Variants in CNBD1 observed in about 807,000 individuals in gnomAD.
CNBD1 encodes the protein cyclic nucleotide-binding domain-containing protein 1.
Under a neutral mutation model 54.4 loss-of-function variants are expected in CNBD1, and 71 were observed. The observed-to-expected ratio is 1.30, with a 90% CI of 1.08 to 1.59. The LOEUF is 1.59. Ranked by LOEUF, CNBD1 falls within the 40% of genes most tolerant of loss-of-function variation. The probability of loss-of-function intolerance (pLI) is 0.00; values close to 1 mark genes in which losing one functional copy is unlikely to be tolerated. For synonymous variants in CNBD1, 182 were observed against 170.7 expected, an observed-to-expected ratio of 1.07 and a Z score of -0.51; for missense variants, 659 against 518.0, an observed-to-expected ratio of 1.27 and a Z score of -2.64.
At chr8:87,205,784 G>A (rs1051529502) in intron 4 of CNBD1, among the ~76,000 whole-genome samples, 1 of 152,100 alleles carries the variant, frequency 6.6e-6, no homozygotes, top group African/African-American at 2.4e-5. Context: ...CCTAAAGTTT[G>A]AAGTATTGTG....
intron 2 of CNBD1, among the ~76,000 whole-genome samples, chr8:87,395,105 C>G (rs1811385746): frequency 6.6e-6 from 1 of 151,784 alleles, no homozygotes; most frequent in Non-Finnish European, 1.5e-5. Flanking sequence ...ATGCTTTGAA[C>G]TAGGCAAATA....
chr8:86,928,800 T>C (rs962226540), intron 3 of CNBD1, among the ~76,000 whole-genome samples: 4 of 152,242 alleles, frequency 2.6e-5, no homozygotes, highest in African/African-American at 9.6e-5. Context: ...TCAGATGGTC[T>C]GTAGGAGATT....
intron 4 of CNBD1, among the ~76,000 whole-genome samples, chr8:87,097,453 G>A (rs182372321): frequency 5.3e-5 from 8 of 152,198 alleles, no homozygotes; most frequent in Admixed American, 1.3e-4. Context: ...AAAATACTTC[G>A]ATGTGTACCA....
intron 4 of CNBD1, among the ~76,000 whole-genome samples, chr8:87,022,205 C>T (rs1021637302): frequency 4.6e-5 from 7 of 152,054 alleles, no homozygotes; most frequent in African/African-American, 1.2e-4. Context: ...GGCAACACAG[C>T]GGAGAAGGGA....
intron 4 of CNBD1, among the ~76,000 whole-genome samples, chr8:87,195,999 T>C (rs1229743629): frequency 6.6e-6 from 1 of 152,214 alleles, no homozygotes; most frequent in Non-Finnish European, 1.5e-5. Flanking sequence ...TTATGTGTTC[T>C]GTAATATAAA....
intron 6 of CNBD1, among the ~76,000 whole-genome samples, chr8:87,237,546 A>G (rs187517242): frequency 8.2e-4 from 125 of 152,306 alleles, no homozygotes; most frequent in Non-Finnish European, 1.6e-3. Context: ...TAATTACATT[A>G]CAATCAGAAA....
chr8:87,330,105 C>A (rs955414386), intron 8 of CNBD1, among the ~76,000 whole-genome samples: 4 of 151,608 alleles, frequency 2.6e-5, no homozygotes, highest in African/African-American at 9.7e-5. Context: ...AGTTTTTAAT[C>A]TAGATGGTCA....
At chr8:87,336,774 C>G (rs1487535442) in intron 8 of CNBD1, among the ~76,000 whole-genome samples, 1 of 152,178 alleles carries the variant, frequency 6.6e-6, no homozygotes, top group Non-Finnish European at 1.5e-5. Flanking sequence ...AGAAGAGCCA[C>G]TCTGGCCTTT....
chr8:87,311,772 A>G lies in CNBD1; in HGVS notation c.1042+25101A>G, dbSNP rs539331186. 5.3e-5 allele frequency among the ~76,000 whole-genome samples: 8 copies of G among 152,240 alleles called. 1 individual carries two copies. The South Asian group carries it at 1.7e-3, about 32-fold the overall frequency. On this transcript the variant is annotated intron_variant, in intron 8 of 10. Coordinates refer to ENST00000518476, the MANE Select transcript of CNBD1 (RefSeq NM_173538.3). The stretch of plus-strand genomic sequence containing the variant: ...ATGAAATAGTATGCAGCTATAAAAA[A>G]GAGCAAAATCATGTCATTTGCAGCA...
intron 2 of CNBD1, among the ~76,000 whole-genome samples, chr8:87,401,541 C>T (rs941822866): frequency 6.6e-6 from 1 of 151,974 alleles, no homozygotes; most frequent in Non-Finnish European, 1.5e-5. Context: ...CATTGTTTAT[C>T]TTTCTTGTTT....
At chr8:87,088,714 A>G (rs1001368688) in intron 4 of CNBD1, among the ~76,000 whole-genome samples, 2 of 152,092 alleles carry the variant, frequency 1.3e-5, no homozygotes, top group Non-Finnish European at 2.9e-5. Flanking sequence ...CTTTATAATA[A>G]AGGTAAAAGT....
intron 1 of CNBD1, among the ~76,000 whole-genome samples, chr8:86,873,165 G>A (rs1808466026): frequency 1.3e-5 from 2 of 150,454 alleles, no homozygotes; most frequent in South Asian, 2.1e-4. Flanking sequence ...GCAGTGGCAC[G>A]ATCTTGGTTC....
chr8:87,132,692 T>C (rs1812143524), intron 4 of CNBD1, among the ~76,000 whole-genome samples: 1 of 147,660 alleles, frequency 6.8e-6, no homozygotes, highest in African/African-American at 2.5e-5. Context: ...ATATATATCA[T>C]ATATAGTTTC....
chr8:87,032,832 T>C (rs12114419), intron 4 of CNBD1, among the ~76,000 whole-genome samples: 2,921 of 152,336 alleles, frequency 0.019, 92 homozygotes, highest in African/African-American at 0.054. Flanking sequence ...ATTTGTTTTC[T>C]GGCACTGCTT....
At position 87,323,782 on chromosome 8, in the gene CNBD1, A is replaced by C. The variant is rs1404300555; in HGVS notation, c.1043-27903A>C. Reference sequence around the variant, plus strand: ...ATTTGACTTCCTCTTTTCCTAATTGAATACCCTTTATTTCCTTCTCCTGCC... The same window carrying C: ...ATTTGACTTCCTCTTTTCCTAATTGCATACCCTTTATTTCCTTCTCCTGCC... On this transcript the variant is annotated intron_variant, in intron 8 of 10. Transcript: ENST00000518476. 4.7e-5 allele frequency among the ~76,000 whole-genome samples: 5 copies of C among 106,292 alleles called. 1 individual carries two copies. In the East Asian group the frequency reaches 1.1e-3, roughly 24 times the overall value. The allele number at this position is 106,292 out of a possible 152,430, so 69.7% of individuals were successfully genotyped here. A position where few individuals can be genotyped will look rare whatever the true frequency, so the allele number is the denominator to read the frequency against.
At chr8:87,256,079 A>G (rs1201672722) in intron 6 of CNBD1, among the ~76,000 whole-genome samples, 2 of 123,402 alleles carry the variant, frequency 1.6e-5, no homozygotes, top group Non-Finnish European at 3.2e-5. Flanking sequence ...CTGGAGTGCA[A>G]TGGTATGATC....
intron 6 of CNBD1, among the ~76,000 whole-genome samples, chr8:87,239,242 A>G (rs1017225703): frequency 1.3e-5 from 2 of 152,228 alleles, no homozygotes; most frequent in Admixed American, 6.5e-5. Context: ...AAGGACAAGT[A>G]TATGATTACT....
intron 5 of CNBD1, among the ~76,000 whole-genome samples, chr8:87,228,848 T>C (rs907852050): frequency 2.0e-5 from 3 of 152,194 alleles, no homozygotes; most frequent in African/African-American, 4.8e-5. Context: ...GCCTCGCTGC[T>C]GCCTTGCAGT....
intron 4 of CNBD1, among the ~76,000 whole-genome samples, chr8:87,046,622 C>T (rs370466602): frequency 6.6e-6 from 1 of 152,124 alleles, no homozygotes; most frequent in East Asian, 1.9e-4. Context: ...GTAAGAGATG[C>T]AGCTAGTCTT....
Sources: allele counts gnomAD v4.1 joint callset (sites outside exome capture counted in the v4.1 genomes callset), GRCh38; gene constraint gnomAD v4.1.1; transcripts MANE v1.5; gene names NCBI Gene and HGNC (gene_info 2026-07-23, HGNC 2026-07-21).